The following LRRTM3 variants were observed in gnomAD, a reference collection of about 807,000 sequenced individuals.
The protein encoded by LRRTM3 is leucine-rich repeat transmembrane neuronal protein 3.
A neutral mutation model predicts 44.7 loss-of-function variants in LRRTM3; 24 were observed. The observed-to-expected ratio is 0.54, with a 90% CI of 0.39 to 0.76. The LOEUF is 0.76. LRRTM3 is among the 30% of genes least tolerant of loss of function. LRRTM3 has a pLI of 0.00. For missense variants in LRRTM3, 587 were observed against 702.2 expected (o/e 0.84, Z 1.85); for synonymous variants, 277 against 278.7 (o/e 0.99, Z 0.06).
chr10:67,057,518 T>C (rs1435149345), intron 2 of LRRTM3, among the ~76,000 whole-genome samples: 1 of 152,192 alleles, frequency 6.6e-6, no homozygotes, highest in Admixed American at 6.6e-5. Flanking sequence ...CATGCAGTAG[T>C]TCTCTTTCTG....
intron 2 of LRRTM3, among the ~76,000 whole-genome samples, chr10:67,022,574 A>T (rs940491699): frequency 6.6e-6 from 1 of 152,232 alleles, no homozygotes; most frequent in African/African-American, 2.4e-5. Flanking sequence ...GTAAGGTTGC[A>T]GTGTACAAAG....
Position 66,966,815 on chromosome 10 carries a change from T to C in LRRTM3, c.1536+38363T>C, listed in dbSNP as rs141406432. Reference sequence around the variant, plus strand: ...AAAAACAACATGAATCAGTGTGCTCTCACATCTCCATATCTCTGTGTTACC... The same window carrying C: ...AAAAACAACATGAATCAGTGTGCTCCCACATCTCCATATCTCTGTGTTACC... On this transcript the variant is annotated intron_variant, in intron 2 of 2. Coordinates refer to ENST00000361320, the MANE Select transcript of LRRTM3 (RefSeq NM_178011.5). Among the ~76,000 whole-genome samples the C allele has an allele frequency of 3.9e-3, 589 of 152,210 alleles. 6 individuals carry two copies. Among genetic ancestry groups the C allele is most frequent in the African/African-American group, 0.014 (566 of 41,542 alleles).
intron 2 of LRRTM3, among the ~76,000 whole-genome samples, chr10:67,078,793 G>A (rs889823031): frequency 3.3e-5 from 5 of 152,160 alleles, no homozygotes; most frequent in Admixed American, 2.6e-4. Context: ...TGAGATTACA[G>A]ATGTGAGCCA....
rs1856526622 is a variant in LRRTM3 at position 67,072,614 on chromosome 10, T to C, written c.1537-24973T>C. On this transcript the variant is annotated intron_variant, in intron 2 of 2. Coordinates refer to ENST00000361320, the MANE Select transcript of LRRTM3 (RefSeq NM_178011.5). ...GGGCTAGATTGCAGTTTTAGTGGAATGTAGTCTTCCCCTTGTTTATCTATA... is the reference window on the plus strand; with the variant it reads ...GGGCTAGATTGCAGTTTTAGTGGAACGTAGTCTTCCCCTTGTTTATCTATA... Among the ~76,000 whole-genome samples the C allele has an allele frequency of 3.3e-5, 5 of 152,286 alleles. No individual in the cohort carries two copies. The South Asian group carries it at 1.0e-3, about 32-fold the overall frequency.
chr10:66,999,137 G>A (rs1414916002), intron 2 of LRRTM3, among the ~76,000 whole-genome samples: 3 of 151,974 alleles, frequency 2.0e-5, no homozygotes, highest in Admixed American at 1.3e-4. Context: ...AAAGATATTT[G>A]TACTACTTTT....
chr10:67,089,514 A>G (rs1857502018), intron 2 of LRRTM3, among the ~76,000 whole-genome samples: 2 of 152,094 alleles, frequency 1.3e-5, no homozygotes, highest in Admixed American at 6.6e-5. Context: ...AATCAGTTTC[A>G]AAGTAAAGTA....
At chr10:67,059,364 A>G (rs1026849262) in intron 2 of LRRTM3, among the ~76,000 whole-genome samples, 15 of 152,196 alleles carry the variant, frequency 9.9e-5, no homozygotes, top group African/African-American at 3.6e-4. Context: ...TTTAAGACCA[A>G]TGAGGTTTAA....
chr10:67,086,858 A>T (rs976935601), intron 2 of LRRTM3, among the ~76,000 whole-genome samples: 1 of 152,056 alleles, frequency 6.6e-6, no homozygotes, highest in Non-Finnish European at 1.5e-5. Flanking sequence ...TCATTCTGCC[A>T]TACTTATATA....
chr10:66,962,504 G>T (rs1849169915), intron 2 of LRRTM3, among the ~76,000 whole-genome samples: 1 of 151,812 alleles, frequency 6.6e-6, no homozygotes, highest in African/African-American at 2.4e-5. Flanking sequence ...CCATCTCCCG[G>T]GTTCAAGCGA....
chr10:67,018,708 C>A (rs187866098), intron 2 of LRRTM3, among the ~76,000 whole-genome samples: 43 of 152,258 alleles, frequency 2.8e-4, no homozygotes, highest in African/African-American at 1.0e-3. Flanking sequence ...TCAGTTTCCT[C>A]ATATGCAAAA....
chr10:66,928,565 C>A, intron 2 of LRRTM3, 113 bp downstream of exon 2: 1 of 980,862 alleles, frequency 1.0e-6, no homozygotes, highest in Non-Finnish European at 1.5e-6. Context: ...TTCCCTCTCC[C>A]TCTCACTTTG....
intron 2 of LRRTM3, among the ~76,000 whole-genome samples, chr10:67,007,055 CA>C (rs1325030017): frequency 6.6e-6 from 1 of 152,180 alleles, no homozygotes; most frequent in Non-Finnish European, 1.5e-5. Context: ...CTCAGCCTCC[CA>C]AAGTGCTGGG....
rs1421095475 is a variant in LRRTM3, at chr10:67,097,665, C to A, written c.1615C>A (p.Leu539Ile). The change falls in exon 3 of 3, where the codon CTT becomes ATT. Residue 539 changes from leucine to isoleucine, a missense_variant. Physicochemically the swap from Leu to Ile is conservative, Grantham distance 5 (BLOSUM62 2). This residue lies in a region of LRRTM3 where 315 missense variants were observed against 335.6 expected (regional missense o/e 0.94). Coordinates refer to ENST00000361320, the MANE Select transcript of LRRTM3 (RefSeq NM_178011.5). ...AAGTTACTGTGGGGTGCATCATGAA[C>A]TTCTCTCCCATAAGTCCTTTGAAAC... ...TISYCGVHHELLSHKSFETNA... is the reference protein window; with the variant it reads ...TISYCGVHHEILSHKSFETNA... 3.7e-6 allele frequency: 6 copies of A among 1,612,702 alleles called. No individual in the cohort carries two copies. Among genetic ancestry groups the A allele is most frequent in the Non-Finnish European group, 4.2e-6 (5 of 1,179,052 alleles).
At chr10:67,058,000 T>G (rs1855542598) in intron 2 of LRRTM3, among the ~76,000 whole-genome samples, 1 of 152,158 alleles carries the variant, frequency 6.6e-6, no homozygotes, top group Non-Finnish European at 1.5e-5. Context: ...GATAAGTGAT[T>G]GCGCAAAGTT....
At chr10:67,037,085 G>C (rs1183861073) in intron 2 of LRRTM3, among the ~76,000 whole-genome samples, 3 of 152,154 alleles carry the variant, frequency 2.0e-5, no homozygotes, top group Non-Finnish European at 4.4e-5. Context: ...GCAAGGAAGA[G>C]AGGCATTTGA....
intron 2 of LRRTM3, 132 bp downstream of exon 2, chr10:66,928,584 A>G (rs1211392992): frequency 2.9e-5 from 23 of 803,684 alleles, no homozygotes; most frequent in Non-Finnish European, 5.7e-6. Context: ...TGCTGGCAAG[A>G]TCCTTCCTTG....
intron 2 of LRRTM3, among the ~76,000 whole-genome samples, chr10:67,049,855 T>C (rs748868999): frequency 2.4e-4 from 36 of 152,338 alleles, no homozygotes; most frequent in Admixed American, 3.9e-4. Context: ...TAGTAATATA[T>C]ACACACACAT....
At chr10:66,937,773 T>C (rs996895685) in intron 2 of LRRTM3, among the ~76,000 whole-genome samples, 31 of 152,124 alleles carry the variant, frequency 2.0e-4, no homozygotes, top group African/African-American at 7.0e-4. Flanking sequence ...CAATTTCCTT[T>C]GTGAGAAATG....
At position 67,097,806 on chromosome 10, in the gene LRRTM3, T is replaced by C. The variant is rs1217691652; in HGVS notation, c.*10T>C. On this transcript the variant is annotated 3_prime_UTR_variant, in exon 3 of 3. Transcript: ENST00000361320. ...ACAGCAGCTAGCTTAACTGAGATCATTGGTAGCCAGGGGTTGCTACCAAAC... is the reference window on the plus strand; with the variant it reads ...ACAGCAGCTAGCTTAACTGAGATCACTGGTAGCCAGGGGTTGCTACCAAAC... 2 of 1,611,508 alleles carry C rather than the reference T, an allele frequency of 1.2e-6. No individual in the cohort carries two copies. The highest frequency in any genetic ancestry group is 2.7e-5 in the African/African-American group (2 of 74,736).
Sources: allele counts gnomAD v4.1 joint callset (sites outside exome capture counted in the v4.1 genomes callset), GRCh38; gene constraint gnomAD v4.1.1; regional missense constraint gnomAD v4.1.1; transcripts MANE v1.5; gene names NCBI Gene and HGNC (gene_info 2026-07-23, HGNC 2026-07-21).